The following STRBP variants were observed in gnomAD, a reference collection of about 807,000 sequenced individuals.
The protein encoded by STRBP is spermatid perinuclear RNA binding protein.
A neutral mutation model predicts 80.1 loss-of-function variants in STRBP; 13 were observed. That is an observed-to-expected ratio of 0.16 (90% CI 0.11 to 0.26). The LOEUF is 0.26. STRBP is among the 10% of genes least tolerant of loss of function. The probability of loss-of-function intolerance (pLI) is 1.00; values close to 1 mark genes in which losing one functional copy is unlikely to be tolerated. For missense variants in STRBP, 485 were observed against 815.2 expected, an observed-to-expected ratio of 0.59 and a Z score of 4.93; for synonymous variants, 284 against 291.2, an observed-to-expected ratio of 0.98 and a Z score of 0.25.
chr9:123,118,032 C>A (rs929400624), downstream of STRBP, among the ~76,000 whole-genome samples: 1 of 152,164 alleles, frequency 6.6e-6, no homozygotes, highest in Admixed American at 6.5e-5. Flanking sequence ...AGTCAGAGGG[C>A]CTAGCTACCA....
chr9:123,111,554 C>T (rs536359500), intron 3 of STRBP: 5 of 467,916 alleles, frequency 1.1e-5, no homozygotes, highest in African/African-American at 2.0e-5. Context: ...AGGGGCAGGG[C>T]TGGCCTGAGC....
chr9:123,192,448 C>T (rs954133672), intron 2 of STRBP, among the ~76,000 whole-genome samples: 2 of 152,106 alleles, frequency 1.3e-5, no homozygotes, highest in Non-Finnish European at 2.9e-5. Flanking sequence ...CTAAATTAAA[C>T]TCAAACAAAG....
At chr9:123,114,938 T>C in intron 3 of STRBP, 1 of 335,550 alleles carries the variant, frequency 3.0e-6, no homozygotes, top group South Asian at 2.7e-5. Context: ...CTGCGCTCCA[T>C]CAGCCTCCCT....
chr9:123,118,411 G>A (rs1180135792), downstream of STRBP, among the ~76,000 whole-genome samples: 1 of 152,234 alleles, frequency 6.6e-6, no homozygotes, highest in African/African-American at 2.4e-5. Context: ...TGGGCAAACA[G>A]TGGCTATCTT....
chr9:123,174,054 G>T (rs1451734917), intron 4 of STRBP, among the ~76,000 whole-genome samples: 1 of 152,184 alleles, frequency 6.6e-6, no homozygotes, highest in Non-Finnish European at 1.5e-5. Context: ...TCATACTACA[G>T]ATCTTGTAAT....
chr9:123,232,571 G>C (rs2040428042), intron 2 of STRBP, among the ~76,000 whole-genome samples: 1 of 152,132 alleles, frequency 6.6e-6, no homozygotes, highest in Admixed American at 6.5e-5. Context: ...AACCAGGGTG[G>C]GGCCAGATTC....
intron 4 of STRBP, 98 bp from the exon 5 acceptor site, chr9:123,173,940 G>T: frequency 7.7e-7 from 1 of 1,296,916 alleles, no homozygotes; most frequent in Non-Finnish European, 1.1e-6. Flanking sequence ...AAACTGATAA[G>T]GGAGTATGTA....
intron 6 of STRBP, among the ~76,000 whole-genome samples, chr9:123,165,283 A>T (rs2037707880): frequency 6.6e-6 from 1 of 151,544 alleles, no homozygotes; most frequent in African/African-American, 2.4e-5. Flanking sequence ...CCATCTCAAA[A>T]AAAAAAAAAA....
chr9:123,264,156 C>T (rs973857320), intron 1 of STRBP, among the ~76,000 whole-genome samples: 3 of 152,154 alleles, frequency 2.0e-5, no homozygotes, highest in Non-Finnish European at 2.9e-5. Flanking sequence ...TCCAGCCTGG[C>T]GACAGAGCGC....
At chr9:123,140,079 C>T (rs1392078865) in intron 13 of STRBP, among the ~76,000 whole-genome samples, 1 of 152,166 alleles carries the variant, frequency 6.6e-6, no homozygotes, top group East Asian at 1.9e-4. Flanking sequence ...ATCTGAGAGT[C>T]TAATCCTGTA....
chr9:123,148,919 T>C (rs553122622), intron 11 of STRBP, among the ~76,000 whole-genome samples: 1 of 152,304 alleles, frequency 6.6e-6, no homozygotes, highest in South Asian at 2.1e-4. Flanking sequence ...ACTGAATTGA[T>C]TAATAATCAG....
chr9:123,166,271 G>A (rs906919962), intron 6 of STRBP, among the ~76,000 whole-genome samples: 2 of 152,186 alleles, frequency 1.3e-5, no homozygotes, highest in African/African-American at 4.8e-5. Context: ...TATTTTCACT[G>A]TTACGGCAGT....
At chr9:123,171,413 G>T (rs1319218309) in intron 5 of STRBP, among the ~76,000 whole-genome samples, 1 of 152,092 alleles carries the variant, frequency 6.6e-6, no homozygotes, top group African/African-American at 2.4e-5. Flanking sequence ...AAGATTTTTG[G>T]TCCATAAGGA....
chr9:123,144,109 A>C (rs1588476418), intron 13 of STRBP, among the ~76,000 whole-genome samples: 1 of 151,800 alleles, frequency 6.6e-6, no homozygotes, highest in East Asian at 1.9e-4. Context: ...GAGGCAGGAG[A>C]ATCACTGGAA....
intron 2 of STRBP, among the ~76,000 whole-genome samples, chr9:123,200,966 G>A (rs558794695): frequency 6.6e-6 from 1 of 151,668 alleles, no homozygotes; most frequent in Non-Finnish European, 1.5e-5. Context: ...ATCTAGGAAG[G>A]TTGTACGTTT....
intron 2 of STRBP, among the ~76,000 whole-genome samples, chr9:123,188,005 C>T (rs529432454): frequency 6.6e-6 from 1 of 152,138 alleles, no homozygotes; most frequent in South Asian, 2.1e-4. Context: ...ATCCCCTATG[C>T]TCCACCTATT....
chr9:123,175,553 A>G (rs1356439878), intron 4 of STRBP, among the ~76,000 whole-genome samples: 1 of 152,256 alleles, frequency 6.6e-6, no homozygotes, highest in Non-Finnish European at 1.5e-5. Flanking sequence ...GTATAAATAT[A>G]GAAATAAAAA....
At chr9:123,140,762 T>C (rs1029364606) in intron 13 of STRBP, among the ~76,000 whole-genome samples, 2 of 152,224 alleles carry the variant, frequency 1.3e-5, no homozygotes, top group Admixed American at 1.3e-4. Flanking sequence ...TCTTATACTT[T>C]CAGTCGATCC....
intron 1 of STRBP, among the ~76,000 whole-genome samples, chr9:123,252,313 C>T (rs1237865690): frequency 6.6e-6 from 1 of 152,124 alleles, no homozygotes; most frequent in Admixed American, 6.5e-5. Flanking sequence ...CTGTGCTGAG[C>T]CCTTTAGAGA....
Sources: gnomAD v4.1 joint callset for allele counts (sites outside exome capture counted in the v4.1 genomes callset) on GRCh38, gnomAD v4.1.1 for gene constraint, MANE v1.5 for transcripts, NCBI Gene and HGNC (gene_info 2026-07-23, HGNC 2026-07-21) for gene names.